The following DGKH variants were observed in gnomAD, a reference collection of about 807,000 sequenced individuals.
DGKH encodes the protein DAG kinase eta.
DGKH carries 90 observed loss-of-function variants against 159.3 expected under a neutral mutation model. The observed-to-expected ratio is 0.57, with a 90% CI of 0.48 to 0.67. DGKH has a LOEUF of 0.67. Ranked by LOEUF, DGKH falls within the 30% of genes least tolerant of loss-of-function variation. The probability of loss-of-function intolerance (pLI) is 0.00; values close to 1 mark genes in which losing one functional copy is unlikely to be tolerated. For missense variants in DGKH, 1,181 were observed against 1,506.1 expected (o/e 0.78, Z 3.57); for synonymous variants, 536 against 553.8 (o/e 0.97, Z 0.45).
chr13:42,102,361 G>A (rs938606003), intron 1 of DGKH, among the ~76,000 whole-genome samples: 3 of 152,242 alleles, frequency 2.0e-5, no homozygotes, highest in African/African-American at 7.2e-5. Context: ...CTGTCCAGGG[G>A]CCAGGAGAAG....
intron 3 of DGKH, 52 bp from the exon 4 acceptor site, chr13:42,155,239 C>A (rs1309611982): frequency 1.4e-6 from 2 of 1,408,324 alleles, no homozygotes; most frequent in East Asian, 2.4e-5. Flanking sequence ...GGTTTTGCAA[C>A]AATCTTTCTC....
chr13:42,069,471 A>G (rs1434970853), intron 1 of DGKH: 1 of 1,553,072 alleles, frequency 6.4e-7, no homozygotes, highest in Non-Finnish European at 8.8e-7. Flanking sequence ...CAGTAGACTC[A>G]TGTTGGAAAC....
chr13:42,246,149 C>T (rs1008149057), downstream of DGKH, among the ~76,000 whole-genome samples: 2 of 152,202 alleles, frequency 1.3e-5, no homozygotes, highest in African/African-American at 2.4e-5. Context: ...TCCTGTCCTA[C>T]TGTGGCCTTG....
chr13:42,142,376 C>T (rs796419965), intron 3 of DGKH, among the ~76,000 whole-genome samples: 24 of 150,320 alleles, frequency 1.6e-4, no homozygotes, highest in African/African-American at 4.6e-4. Flanking sequence ...CTTGGCAATG[C>T]GGGCTCTTTT....
At chr13:42,065,039 T>C (rs1882458946) in intron 1 of DGKH, among the ~76,000 whole-genome samples, 1 of 152,188 alleles carries the variant, frequency 6.6e-6, no homozygotes, top group Non-Finnish European at 1.5e-5. Flanking sequence ...AGATAAAACC[T>C]TCAGCCTGGC....
chr13:42,055,372 A>G (rs753415152), intron 1 of DGKH, among the ~76,000 whole-genome samples: 13 of 152,146 alleles, frequency 8.5e-5, no homozygotes, highest in Non-Finnish European at 1.6e-4. Context: ...GGAAATTCTG[A>G]CTCTCAGTAC....
Position 42,240,922 on chromosome 13 carries a change from G to A in DGKH, c.*11734G>A, listed in dbSNP as rs1003528400. On this transcript the variant is annotated 3_prime_UTR_variant, in exon 30 of 30. Transcript: ENST00000337343. ...ACCTGAGGTCAGGAGCTCGAGACAA[G>A]TCAACATGGTGAAACCTCATCTCTG... 4 of 152,252 alleles carry A rather than the reference G, an allele frequency of 2.6e-5. No homozygotes were observed. The highest frequency in any genetic ancestry group is 2.1e-4 in the South Asian group (1 of 4,822). The allele number at this position is 152,252 out of a possible 1,614,324, so 9.4% of individuals were successfully genotyped here.
At chr13:42,129,758 C>A in intron 3 of DGKH, 126 bp downstream of exon 3, 4 of 779,498 alleles carry the variant, frequency 5.1e-6, no homozygotes, top group Non-Finnish European at 8.3e-6. Flanking sequence ...CCTACCAACA[C>A]AATCAGCTTT....
chr13:42,142,063 A>G (rs1453948226), intron 3 of DGKH, among the ~76,000 whole-genome samples: 2 of 151,360 alleles, frequency 1.3e-5, no homozygotes, highest in South Asian at 2.1e-4. Context: ...ATCTTGAATT[A>G]ATTTTTGTAT....
At chr13:42,210,456 G>T in intron 23 of DGKH, 146 bp from the exon 24 acceptor site, 1 of 750,138 alleles carries the variant, frequency 1.3e-6, no homozygotes, top group Non-Finnish European at 2.1e-6. Flanking sequence ...GCAGTACATT[G>T]GAAAACTTTG....
chr13:42,042,406 G>A (rs73187204), intron 1 of DGKH, among the ~76,000 whole-genome samples: 12,073 of 152,112 alleles, frequency 0.079, 682 homozygotes, highest in Non-Finnish European at 0.12. Flanking sequence ...TCTCAAAAGT[G>A]ACAAGTAAAA....
At chr13:42,049,028 G>A in intron 1 of DGKH, 63 bp downstream of exon 1, 1 of 1,241,814 alleles carries the variant, frequency 8.1e-7, no homozygotes, top group South Asian at 4.1e-5. Context: ...GGGCGCGGGG[G>A]CGCTGGAACG....
intron 29 of DGKH, among the ~76,000 whole-genome samples, chr13:42,223,140 A>C (rs1012467739): frequency 7.9e-5 from 12 of 152,348 alleles, no homozygotes; most frequent in Admixed American, 7.8e-4. Context: ...AACATTTCAC[A>C]GAAAGAGTCT....
intron 9 of DGKH, among the ~76,000 whole-genome samples, chr13:42,167,036 G>A (rs955248994): frequency 6.6e-6 from 1 of 152,114 alleles, no homozygotes; most frequent in East Asian, 1.9e-4. Flanking sequence ...ATAAATAATC[G>A]ATTATTAAAC....
chr13:42,129,452 C>A, intron 2 of DGKH, 100 bp from the exon 3 acceptor site: 1 of 984,758 alleles, frequency 1.0e-6, no homozygotes, highest in South Asian at 1.8e-5. Flanking sequence ...AACTTTTTTC[C>A]CCCATTTTCT....
At chr13:42,131,578 A>T (rs1955291929) in intron 3 of DGKH, among the ~76,000 whole-genome samples, 1 of 152,242 alleles carries the variant, frequency 6.6e-6, no homozygotes, top group Non-Finnish European at 1.5e-5. Context: ...TGGCTTCTAT[A>T]GAAAAAGATA....
At chr13:42,198,400 T>C in intron 17 of DGKH, 78 bp from the exon 18 acceptor site, 5 of 1,212,902 alleles carry the variant, frequency 4.1e-6, no homozygotes, top group Non-Finnish European at 5.9e-6. Context: ...AGATATTTGA[T>C]ATCAGGCCTG....
chr13:42,121,202 C>T (rs1001989190), intron 1 of DGKH, among the ~76,000 whole-genome samples: 1 of 152,030 alleles, frequency 6.6e-6, no homozygotes, highest in African/African-American at 2.4e-5. Flanking sequence ...CAGTACAAAA[C>T]GTACTTTGAG....
chr13:42,050,719 G>T (rs1881215771), intron 1 of DGKH, among the ~76,000 whole-genome samples: 1 of 152,218 alleles, frequency 6.6e-6, no homozygotes, highest in Admixed American at 6.5e-5. Context: ...GCCGGGCATG[G>T]TGGCTCACGC....
Sources: gnomAD v4.1 joint callset for allele counts (sites outside exome capture counted in the v4.1 genomes callset) on GRCh38, gnomAD v4.1.1 for gene constraint, MANE v1.5 for transcripts, NCBI Gene and HGNC (gene_info 2026-07-23, HGNC 2026-07-21) for gene names.